The following OR52N2 variants were observed in gnomAD, a reference collection of about 807,000 sequenced individuals.
The protein encoded by OR52N2 is olfactory receptor family 52 subfamily N member 2, also known as olfactory receptor 52N2.
For synonymous variants in OR52N2, 129 were observed against 72.0 expected, an observed-to-expected ratio of 1.79 and a Z score of -4.01; for missense variants, 326 against 196.6, an observed-to-expected ratio of 1.66 and a Z score of -3.94.
Position 5,820,176 on chromosome 11 carries a change from A to G in OR52N2, c.-54-106A>G, listed in dbSNP as rs564405358. 1.4e-3 allele frequency: 911 copies of G among 654,378 alleles called. 2 individuals are homozygous for G. Among genetic ancestry groups the G allele is most frequent in the Non-Finnish European group, 2.0e-3 (715 of 365,512 alleles). The allele number at this position is 654,378 out of a possible 1,614,324, so 40.5% of individuals were successfully genotyped here. On this transcript the variant is annotated intron_variant, in intron 1 of 1. Transcript: ENST00000317037. ...CTTTCTTGCTATAGTTGGAAGAAAG[A>G]ATTTCTGGTTATCAATGTAAGGTGA...
chr11:5,809,042 G>A lies in OR52N2; in HGVS notation c.-67G>A, dbSNP rs1203940285. Reference sequence around the variant, plus strand: ...GACTACCGCAACGGGGCATTGGAATGCGTCTCCCCTGGGTAGGATGACTGA... The same window carrying A: ...GACTACCGCAACGGGGCATTGGAATACGTCTCCCCTGGGTAGGATGACTGA... On this transcript the variant is annotated 5_prime_UTR_variant, in exon 1 of 2. An upstream start codon of the reference 5' UTR is lost. Coordinates refer to ENST00000317037, the MANE Select transcript of OR52N2 (RefSeq NM_001005174.3). 2.0e-5 allele frequency among the ~76,000 whole-genome samples: 3 copies of A among 152,154 alleles called. No homozygotes were observed. The highest frequency in any genetic ancestry group is 2.1e-4 in the South Asian group (1 of 4,826).
intron 1 of OR52N2, among the ~76,000 whole-genome samples, chr11:5,813,179 G>A (rs1846377589): frequency 6.9e-6 from 1 of 145,682 alleles, no homozygotes. Flanking sequence ...CTTAACCCAT[G>A]TAATTAGAAG....
Position 5,821,358 on chromosome 11 carries a change from A to G in OR52N2, c.*57A>G. ...GAGAAAATAATGGAGACAAAATTTC[A>G]TAAAAGATGTGAATAAAATGGTATT... On this transcript the variant is annotated 3_prime_UTR_variant, in exon 2 of 2. Coordinates refer to ENST00000317037, the MANE Select transcript of OR52N2 (RefSeq NM_001005174.3). 1 of 688,692 alleles carries G rather than the reference A, an allele frequency of 1.5e-6. No homozygotes were observed. 42.7% of individuals were successfully genotyped at this position (688,692 alleles called of 1,614,324 possible). A position where few individuals can be genotyped will look rare whatever the true frequency, so the allele number is the denominator to read the frequency against.
At chr11:5,819,648 T>C (rs1265336201) in intron 1 of OR52N2, among the ~76,000 whole-genome samples, 1 of 152,196 alleles carries the variant, frequency 6.6e-6, no homozygotes. Flanking sequence ...TGACATCAGA[T>C]AGAGTTTGAG....
At chr11:5,811,690 C>A (rs1399688066) in intron 1 of OR52N2, among the ~76,000 whole-genome samples, 2 of 152,014 alleles carry the variant, frequency 1.3e-5, no homozygotes, top group African/African-American at 2.4e-5. Context: ...AAGAAAACAA[C>A]AAAATGGCTG....
intron 1 of OR52N2, among the ~76,000 whole-genome samples, chr11:5,814,463 C>G (rs1367930958): frequency 6.6e-6 from 1 of 151,650 alleles, no homozygotes; most frequent in Non-Finnish European, 1.5e-5. Context: ...ATTTTTAATT[C>G]CATTGTAAAT....
rs182978945 is a variant in OR52N2 at position 5,815,548 on chromosome 11, T to C, written c.-54-4734T>C. Among the ~76,000 whole-genome samples, 420 of 152,240 alleles carry C rather than the reference T, an allele frequency of 2.8e-3. 3 individuals are homozygous for C. Among genetic ancestry groups the C allele is most frequent in the African/African-American group, 9.6e-3 (397 of 41,534 alleles). On this transcript the variant is annotated intron_variant, in intron 1 of 1. Coordinates refer to ENST00000317037, the MANE Select transcript of OR52N2 (RefSeq NM_001005174.3). ...AAAAACCACCTTACACCAATTAGGA[T>C]GGCTACTATAAAAATAAACAGAAAA...
At chr11:5,812,603 A>T (rs957637028) in intron 1 of OR52N2, among the ~76,000 whole-genome samples, 4 of 152,052 alleles carry the variant, frequency 2.6e-5, no homozygotes, top group Non-Finnish European at 5.9e-5. Context: ...ACCATTGTAA[A>T]TATATATGTC....
chr11:5,811,562 A>G (rs1846361038), intron 1 of OR52N2, among the ~76,000 whole-genome samples: 1 of 152,178 alleles, frequency 6.6e-6, no homozygotes, highest in Non-Finnish European at 1.5e-5. Context: ...GCAAAAACCT[A>G]TAGTAGATGC....
chr11:5,814,610 A>G (rs1256789450), intron 1 of OR52N2, among the ~76,000 whole-genome samples: 1 of 152,170 alleles, frequency 6.6e-6, no homozygotes, highest in Non-Finnish European at 1.5e-5. Flanking sequence ...GCCATGTTCA[A>G]GGGGTGGACG....
rs530585560 is a variant in OR52N2, at chr11:5,808,937, T to C, written c.-172T>C. 2.0e-5 allele frequency among the ~76,000 whole-genome samples: 3 copies of C among 152,174 alleles called. No individual in the cohort carries two copies. Among genetic ancestry groups the C allele is most frequent in the African/African-American group, 4.8e-5 (2 of 41,512 alleles). ...CAGAGTTTACCTGGTCACCGCGGTA[T>C]TGCAAGCCTCTCCTCCTCGCGTTGC... On this transcript the variant is annotated 5_prime_UTR_variant, in exon 1 of 2. Coordinates refer to ENST00000317037, the MANE Select transcript of OR52N2 (RefSeq NM_001005174.3).
chr11:5,811,296 T>C (rs1846359424), intron 1 of OR52N2, among the ~76,000 whole-genome samples: 1 of 151,978 alleles, frequency 6.6e-6, no homozygotes, highest in African/African-American at 2.4e-5. Flanking sequence ...ATAATACTGT[T>C]ATGGTGGTAT....
At chr11:5,812,477 A>G (rs35271555) in intron 1 of OR52N2, among the ~76,000 whole-genome samples, 62,666 of 137,338 alleles carry the variant, frequency 0.46, 15,655 homozygotes, top group Non-Finnish European at 0.56. Context: ...CCTGTGTGAC[A>G]GAGCGAGACT....
chr11:5,810,339 AT>A (rs1437161228), intron 1 of OR52N2, among the ~76,000 whole-genome samples: 1 of 152,216 alleles, frequency 6.6e-6, no homozygotes, highest in Non-Finnish European at 1.5e-5. Flanking sequence ...AATTGTTGAC[AT>A]TCTCTGTCAA....
intron 1 of OR52N2, among the ~76,000 whole-genome samples, chr11:5,811,908 G>A (rs1453164653): frequency 1.3e-5 from 2 of 152,160 alleles, no homozygotes; most frequent in Admixed American, 6.5e-5. Flanking sequence ...AGGCAAAAGA[G>A]TTCAGAAGTA....
intron 1 of OR52N2, among the ~76,000 whole-genome samples, chr11:5,816,564 C>T (rs1046600470): frequency 3.7e-5 from 5 of 134,900 alleles, no homozygotes; most frequent in Non-Finnish European, 3.3e-5. Context: ...TTGAGAGACA[C>T]GGTCTCACTC....
chr11:5,819,099 C>A (rs780304139), intron 1 of OR52N2, among the ~76,000 whole-genome samples: 6 of 152,080 alleles, frequency 3.9e-5, no homozygotes, highest in Non-Finnish European at 1.5e-5. Flanking sequence ...GTAATCCATG[C>A]CATCACACTG....
chr11:5,812,912 TAAG>T (rs1316694691), intron 1 of OR52N2, among the ~76,000 whole-genome samples: 2 of 151,846 alleles, frequency 1.3e-5, no homozygotes, highest in African/African-American at 4.8e-5. Context: ...AAGCCAATAA[TAAG>T]AGGAAGTTTG....
intron 1 of OR52N2, among the ~76,000 whole-genome samples, 57 bp downstream of exon 1, chr11:5,809,111 A>G (rs1439554966): frequency 6.6e-6 from 1 of 152,150 alleles, no homozygotes; most frequent in Non-Finnish European, 1.5e-5. Flanking sequence ...ATGAGCCCCC[A>G]GAGTTGTTGG....
Sources: gnomAD v4.1 joint callset for allele counts (sites outside exome capture counted in the v4.1 genomes callset) on GRCh38, gnomAD v4.1.1 for gene constraint, MANE v1.5 for transcripts, NCBI Gene and HGNC (gene_info 2026-07-23, HGNC 2026-07-21) for gene names.